NTRK1: variants seen among roughly 807,000 people sequenced by gnomAD.
NTRK1 encodes neurotrophic receptor tyrosine kinase 1.
Under a neutral mutation model 86.8 loss-of-function variants are expected in NTRK1, and 62 were observed. The ratio of observed to expected loss-of-function variants is 0.71; its 90% CI spans 0.58 to 0.88. The LOEUF (loss-of-function observed/expected upper bound fraction) is 0.88, where lower values mean the gene tolerates loss of function less well. NTRK1 is among the 40% of genes least tolerant of loss of function. The pLI is 0.00. For missense variants in NTRK1, 967 were observed against 1,078.4 expected (o/e 0.90, Z 1.45); for synonymous variants, 469 against 456.6 (o/e 1.03, Z -0.35).
intron 2 of NTRK1, chr1:156,845,666 G>C (rs747625856): frequency 3.1e-6 from 5 of 1,610,626 alleles, no homozygotes; most frequent in Non-Finnish European, 4.2e-6. Context: ...ACTTCTTCTG[G>C]AACGAGGCCT....
At chr1:156,845,450 G>A (rs746595217) in intron 2 of NTRK1, 2 of 1,527,192 alleles carry the variant, frequency 1.3e-6, no homozygotes, top group Admixed American at 2.1e-5. Context: ...AGGCCTGTCC[G>A]GATGCACCCC....
At position 156,876,486 on chromosome 1, in the gene NTRK1, G is replaced by GCGCTTCTT; in HGVS notation, c.1722_1729dup (p.Gly577AlafsTer84). 1.9e-6 allele frequency: 3 copies of GCGCTTCTT among 1,613,840 alleles called. No homozygotes were observed. The highest frequency in any genetic ancestry group is 2.5e-6 in the Non-Finnish European group (3 of 1,180,022). ...CCATGCTGCAGCACCAGCACATCGTGCGCTTCTTCGGCGTCTGCACCGAGG... is the reference window on the plus strand; with the variant it reads ...CCATGCTGCAGCACCAGCACATCGTGCGCTTCTTCGCTTCTTCGGCGTCTGCACCGAGG... On this transcript the variant is annotated frameshift_variant, in exon 14 of 17. Coordinates refer to ENST00000524377, the MANE Select transcript of NTRK1 (RefSeq NM_002529.4). LOFTEE classifies it high-confidence loss of function.
intron 16 of NTRK1, 34 bp from the exon 17 acceptor site, chr1:156,881,423 T>TG: frequency 1.3e-6 from 2 of 1,548,700 alleles, no homozygotes; most frequent in Admixed American, 2.0e-5. Context: ...CCCAGCCTAG[T>TG]GGGCTTTCTC....
chr1:156,874,078 C>A (rs1647743945), intron 8 of NTRK1, 119 bp downstream of exon 8: 1 of 1,086,584 alleles, frequency 9.2e-7, no homozygotes, highest in Non-Finnish European at 1.4e-6. Flanking sequence ...AGAAAGGAGT[C>A]TGGAGTCCTG....
chr1:156,853,657 C>T (rs1251956050), intron 2 of NTRK1: 5 of 1,220,112 alleles, frequency 4.1e-6, no homozygotes, highest in Non-Finnish European at 5.7e-6. Context: ...ACAGTGGCAG[C>T]TGAAAGTACT....
chr1:156,873,388 C>T (rs915637817), intron 7 of NTRK1, among the ~76,000 whole-genome samples: 1 of 152,114 alleles, frequency 6.6e-6, no homozygotes, highest in Non-Finnish European at 1.5e-5. Flanking sequence ...ATTTATGGCC[C>T]ACCACTTATG....
chr1:156,834,265 A>T (rs1246222264), intron 1 of NTRK1, among the ~76,000 whole-genome samples: 1 of 152,158 alleles, frequency 6.6e-6, no homozygotes, highest in East Asian at 1.9e-4. Context: ...CAGAAGATGC[A>T]AGTCCCAGGC....
intron 1 of NTRK1, chr1:156,840,905 A>C: frequency 6.2e-7 from 1 of 1,613,950 alleles, no homozygotes. Context: ...TGAGGGCTGC[A>C]GTCTCTTGGA....
chr1:156,841,472 C>T (rs767188615), intron 1 of NTRK1: 1 of 1,614,018 alleles, frequency 6.2e-7, no homozygotes, highest in South Asian at 1.1e-5. Context: ...ATTGGACAGG[C>T]CCTGGTAGGG....
upstream of NTRK1, chr1:156,858,402 C>T (rs1186065005): frequency 4.3e-6 from 3 of 693,000 alleles, no homozygotes; most frequent in Non-Finnish European, 7.9e-6. Flanking sequence ...CTGGGCAGTT[C>T]TCCTGAGCGC....
rs1217595775 is a variant in NTRK1, at chr1:156,864,830, T to C, written c.359+31T>C. ...TGTGGCCAGTGCTGGGCAGTGGGAG[T>C]TGGGGAGGACACCCAGACTTGGGCT... On this transcript the variant is annotated intron_variant, in intron 3 of 16. Coordinates refer to ENST00000524377, the MANE Select transcript of NTRK1 (RefSeq NM_002529.4). 17 of 1,602,740 alleles carry C rather than the reference T, an allele frequency of 1.1e-5. No homozygotes were observed. The Middle Eastern group carries it at 4.9e-4, about 47-fold the overall frequency.
upstream of NTRK1, among the ~76,000 whole-genome samples, chr1:156,857,987 AGGAAGAG>A (rs1459361694): frequency 2.0e-5 from 3 of 151,798 alleles, no homozygotes; most frequent in Non-Finnish European, 2.9e-5. Context: ...TGGGGTGTTG[AGGAAGAG>A]CAGTCTTCCC....
rs1338859396 is a variant in NTRK1 at position 156,843,015 on chromosome 1, A to C, written c.50+822A>C. 5 of 1,613,156 alleles carry C rather than the reference A, an allele frequency of 3.1e-6. No homozygotes were observed. In the East Asian group the frequency reaches 1.1e-4, roughly 36 times the overall value. ...TGGCTCTCCCTTACCACATGGTGAC[A>C]CTTGAAGGCTTTCATGACAGAAGCT... On this transcript the variant is annotated intron_variant, in intron 2 of 16. Coordinates refer to the NTRK1 transcript ENST00000392302.
Position 156,851,154 on chromosome 1 carries a change from A to G in NTRK1, c.50+8961A>G, listed in dbSNP as rs749546253. On this transcript the variant is annotated intron_variant, in intron 2 of 16. Transcript: ENST00000392302. ...TACAGATGAGAAAACTGAAGACCAG[A>G]GAAGTTAACCTACTTAGAGTCACAC... The G allele has an allele frequency of 2.0e-5, 18 of 884,660 alleles. No homozygotes were observed. In the Admixed American group the frequency reaches 3.2e-4, roughly 16 times the overall value. The allele number at this position is 884,660 out of a possible 1,614,324, so 54.8% of individuals were successfully genotyped here. A position where few individuals can be genotyped will look rare whatever the true frequency, so the allele number is the denominator to read the frequency against.
At chr1:156,843,123 C>T in intron 2 of NTRK1, 1 of 1,614,156 alleles carries the variant, frequency 6.2e-7, no homozygotes, top group East Asian at 2.2e-5. Context: ...TCCTCTCCAG[C>T]CTCAAGTCCT....
At chr1:156,845,789 G>A (rs566702909) in intron 2 of NTRK1, 39 of 1,612,806 alleles carry the variant, frequency 2.4e-5, no homozygotes, top group Admixed American at 1.7e-4. Context: ...AGCGCGGATC[G>A]TTGTTGCTGG....
chr1:156,826,953 ATCTATTTAGTAAACAC>A (rs1180030803), intron 1 of NTRK1, among the ~76,000 whole-genome samples: 1 of 152,248 alleles, frequency 6.6e-6, no homozygotes, highest in African/African-American at 2.4e-5. Flanking sequence ...CTCTTCCTGT[ATCTATTTAGTAAACAC>A]GGATTCTATG....
At chr1:156,833,100 G>A (rs978012461) in intron 1 of NTRK1, among the ~76,000 whole-genome samples, 1 of 152,252 alleles carries the variant, frequency 6.6e-6, no homozygotes, top group East Asian at 1.9e-4. Flanking sequence ...TAGGCAGCAT[G>A]ATATAGTGGA....
At chr1:156,851,668 G>A (rs999102344) in intron 2 of NTRK1, 5 of 1,614,092 alleles carry the variant, frequency 3.1e-6, no homozygotes, top group Non-Finnish European at 4.2e-6. Flanking sequence ...GGTTGAGGAT[G>A]AGGCTTCCCT....
Sources: gnomAD v4.1 joint callset for allele counts (sites outside exome capture counted in the v4.1 genomes callset) on GRCh38, gnomAD v4.1.1 for gene constraint, MANE v1.5 for transcripts, NCBI Gene and HGNC (gene_info 2026-07-23, HGNC 2026-07-21) for gene names.